Variants in HSD17B12 observed in about 807,000 individuals in gnomAD.
HSD17B12 encodes very-long-chain 3-oxoacyl-CoA reductase.
Under a neutral mutation model 39.3 loss-of-function variants are expected in HSD17B12, and 32 were observed. That is an observed-to-expected ratio of 0.81 (90% CI 0.61 to 1.09). HSD17B12 has a LOEUF of 1.09. HSD17B12 is among the 50% of genes least tolerant of loss of function. The pLI is 0.00. For synonymous variants in HSD17B12, 150 were observed against 146.7 expected (o/e 1.02, Z -0.16); for missense variants, 342 against 382.9 (o/e 0.89, Z 0.89).
intron 9 of HSD17B12, among the ~76,000 whole-genome samples, chr11:43,850,807 A>G (rs188438161): frequency 9.1e-4 from 138 of 152,366 alleles, no homozygotes; most frequent in African/African-American, 3.2e-3. Context: ...TCATGCCTGT[A>G]ATCCCAGCAC....
At chr11:43,730,802 G>A (rs1418224314) in intron 1 of HSD17B12, among the ~76,000 whole-genome samples, 1 of 152,044 alleles carries the variant, frequency 6.6e-6, no homozygotes, top group East Asian at 1.9e-4. Context: ...TTAAAGAAAA[G>A]GTAGTTATTC....
At chr11:43,747,662 C>T (rs1341897472) in intron 1 of HSD17B12, among the ~76,000 whole-genome samples, 2 of 152,214 alleles carry the variant, frequency 1.3e-5, no homozygotes, top group Non-Finnish European at 2.9e-5. Context: ...CCTACTCCCA[C>T]CAGCTACTCT....
chr11:43,581,066 G>A, the HSD17B12 span, among the ~76,000 whole-genome samples: 3 of 152,286 alleles, frequency 2.0e-5, no homozygotes, highest in African/African-American at 7.2e-5. The surrounding 1 kb of genome is among the most constrained non-coding windows in gnomAD (Gnocchi z 4.9). Context: ...AACTCTGATA[G>A]GGAGATAGAG....
the HSD17B12 span, among the ~76,000 whole-genome samples, chr11:43,639,587 G>A: frequency 6.6e-6 from 1 of 151,950 alleles, no homozygotes; most frequent in Non-Finnish European, 1.5e-5. Flanking sequence ...GGGCTTGTGA[G>A]TTGACATCTC....
chr11:43,581,108 T>A, the HSD17B12 span, among the ~76,000 whole-genome samples: 123 of 151,962 alleles, frequency 8.1e-4, 3 homozygotes, highest in East Asian at 0.019. This position sits in a 1 kb window ranked among gnomAD's most constrained non-coding sequence, Gnocchi z 4.9. Context: ...AGGCTCCGGG[T>A]GCTGGGGCGA....
At chr11:43,741,892 C>T (rs1305561334) in intron 1 of HSD17B12, among the ~76,000 whole-genome samples, 2 of 149,802 alleles carry the variant, frequency 1.3e-5, no homozygotes, top group African/African-American at 4.9e-5. Flanking sequence ...TGCCACCACG[C>T]CTGGCTAATT....
chr11:43,588,918 G>A, the HSD17B12 span, among the ~76,000 whole-genome samples: 4 of 151,258 alleles, frequency 2.6e-5, no homozygotes, highest in Admixed American at 1.3e-4. Context: ...TTGCTTTCAC[G>A]TCCCTTTTAA....
intron 3 of HSD17B12, among the ~76,000 whole-genome samples, chr11:43,760,738 T>C (rs1950549102): frequency 6.6e-6 from 1 of 152,216 alleles, no homozygotes; most frequent in South Asian, 2.1e-4. Context: ...TTGTTTTGTT[T>C]TCATAAGTAC....
chr11:43,854,531 A>C, intron 9 of HSD17B12, 184 bp from the exon 10 acceptor site: 1 of 567,274 alleles, frequency 1.8e-6, no homozygotes, highest in South Asian at 2.8e-5. Context: ...GATTTGTTAC[A>C]ATTTGTTTTA....
At chr11:43,650,013 A>C in the HSD17B12 span, among the ~76,000 whole-genome samples, 4 of 152,174 alleles carry the variant, frequency 2.6e-5, no homozygotes, top group Non-Finnish European at 4.4e-5. Flanking sequence ...CAGCTGCCCT[A>C]GTTGTTACGT....
the HSD17B12 span, among the ~76,000 whole-genome samples, chr11:43,646,562 T>C: frequency 6.6e-6 from 1 of 152,200 alleles, no homozygotes; most frequent in Non-Finnish European, 1.5e-5. Context: ...GAATTTTTAA[T>C]TGACAAGTTA....
intron 3 of HSD17B12, among the ~76,000 whole-genome samples, chr11:43,775,595 A>T (rs1950692846): frequency 6.7e-6 from 1 of 150,356 alleles, no homozygotes; most frequent in South Asian, 2.1e-4. Flanking sequence ...TTTCTTTTTT[A>T]TTTATTTATT....
At chr11:43,790,902 GAGAATCGCTTGAACCC>G (rs1191852870) in intron 3 of HSD17B12, among the ~76,000 whole-genome samples, 1 of 152,128 alleles carries the variant, frequency 6.6e-6, no homozygotes, top group Non-Finnish European at 1.5e-5. Context: ...GCTGAGGCAG[GAGAATCGCTTGAACCC>G]AGGAGGTGGA....
the HSD17B12 span, among the ~76,000 whole-genome samples, chr11:43,573,641 T>C: frequency 8.5e-5 from 13 of 152,320 alleles, no homozygotes; most frequent in African/African-American, 3.1e-4. Context: ...TGTCTTGATC[T>C]CAACATCAGA....
At chr11:43,731,506 C>T (rs767689831) in intron 1 of HSD17B12, among the ~76,000 whole-genome samples, 8 of 152,110 alleles carry the variant, frequency 5.3e-5, no homozygotes, top group South Asian at 2.1e-4. Context: ...TAGTAGACAA[C>T]GATTGTCCTA....
At chr11:43,734,543 C>A in intron 1 of HSD17B12, 1 of 568,858 alleles carries the variant, frequency 1.8e-6, no homozygotes, top group South Asian at 1.9e-5. Flanking sequence ...CAGGGCAGTC[C>A]GTGCCCCTCC....
chr11:43,742,151 A>T (rs56207822), intron 1 of HSD17B12, among the ~76,000 whole-genome samples: 58 of 90,520 alleles, frequency 6.4e-4, no homozygotes, highest in African/African-American at 1.8e-3. Context: ...TTTTTTTTTT[A>T]AATTGAGACA....
intron 1 of HSD17B12, among the ~76,000 whole-genome samples, chr11:43,698,336 G>A (rs1388320238): frequency 6.6e-6 from 1 of 152,208 alleles, no homozygotes; most frequent in African/African-American, 2.4e-5. Context: ...CTGAGCCTAA[G>A]TCCTTTGGTC....
intron 2 of HSD17B12, among the ~76,000 whole-genome samples, chr11:43,753,403 G>A (rs1005606059): frequency 1.6e-5 from 1 of 61,652 alleles, no homozygotes; most frequent in African/African-American, 6.4e-5. Context: ...TTTTTTTTTT[G>A]AGATGGAGTC....
Sources: allele counts gnomAD v4.1 joint callset (sites outside exome capture counted in the v4.1 genomes callset), GRCh38; gene constraint gnomAD v4.1.1; non-coding constraint Gnocchi (gnomAD v3.1); transcripts MANE v1.5; gene names NCBI Gene and HGNC (gene_info 2026-07-23, HGNC 2026-07-21).